ROBO1: variants seen among roughly 807,000 people sequenced by gnomAD.
The protein encoded by ROBO1 is roundabout homolog 1.
In ROBO1, 149 loss-of-function variants were observed where a neutral mutation model predicts 195.9. The ratio of observed to expected loss-of-function variants is 0.76; its 90% CI spans 0.67 to 0.87. ROBO1 has a LOEUF of 0.87. Ranked by LOEUF, ROBO1 falls within the 40% of genes least tolerant of loss-of-function variation. The probability of loss-of-function intolerance (pLI) is 0.00; values close to 1 mark genes in which losing one functional copy is unlikely to be tolerated. For synonymous variants in ROBO1, 816 were observed against 733.2 expected (o/e 1.11, Z -1.82); for missense variants, 1,933 against 2,068.3 (o/e 0.93, Z 1.27).
chr3:78,678,880 A>C (rs905494203), intron 10 of ROBO1, among the ~76,000 whole-genome samples: 5 of 152,068 alleles, frequency 3.3e-5, no homozygotes, highest in African/African-American at 1.2e-4. Flanking sequence ...CAAAAAAGAG[A>C]ATTTTAGACC....
At chr3:79,113,092 G>A (rs2108538614) in intron 3 of ROBO1, among the ~76,000 whole-genome samples, 1 of 152,188 alleles carries the variant, frequency 6.6e-6, no homozygotes. Context: ...GTTGTGAAAA[G>A]GACCACAAAA....
intron 2 of ROBO1, among the ~76,000 whole-genome samples, chr3:79,520,133 G>C (rs1313537119): frequency 1.3e-5 from 2 of 150,880 alleles, no homozygotes; most frequent in Admixed American, 6.6e-5. Context: ...CTGCACTGCA[G>C]CCTGGGTGAC....
intron 1 of ROBO1, among the ~76,000 whole-genome samples, chr3:79,748,057 C>G (rs898044543): frequency 6.6e-6 from 1 of 151,994 alleles, no homozygotes; most frequent in East Asian, 1.9e-4. Flanking sequence ...AAAAATACTA[C>G]TGCAGATTTT....
intron 1 of ROBO1, among the ~76,000 whole-genome samples, chr3:79,604,377 T>C (rs893010022): frequency 6.6e-6 from 1 of 152,076 alleles, no homozygotes; most frequent in Non-Finnish European, 1.5e-5. Flanking sequence ...GAAATGTTTT[T>C]GAACTTTTAA....
intron 1 of ROBO1, 80 bp downstream of exon 1, chr3:79,767,672 C>G (rs1047016297): frequency 6.6e-6 from 1 of 152,252 alleles, no homozygotes; most frequent in African/African-American, 2.4e-5. Flanking sequence ...CCAACAACCA[C>G]TAGTGTAAAA....
At chr3:79,139,628 A>G (rs2080481948) in intron 2 of ROBO1, among the ~76,000 whole-genome samples, 1 of 152,160 alleles carries the variant, frequency 6.6e-6, no homozygotes, top group Non-Finnish European at 1.5e-5. Context: ...CCTCAATAAT[A>G]TCTGATGTGA....
At chr3:78,784,227 TACTC>T (rs766589482) in intron 4 of ROBO1, among the ~76,000 whole-genome samples, 23 of 152,266 alleles carry the variant, frequency 1.5e-4, no homozygotes, top group East Asian at 7.7e-4. Context: ...ACCTTCTAAA[TACTC>T]AATCACTTAA....
chr3:79,172,252 GT>G (rs2081181009), intron 2 of ROBO1, among the ~76,000 whole-genome samples: 1 of 152,166 alleles, frequency 6.6e-6, no homozygotes, highest in African/African-American at 2.4e-5. Flanking sequence ...GATTCTAAAT[GT>G]GTTTTAGCCA....
chr3:79,456,040 T>C (rs993435518), intron 2 of ROBO1, among the ~76,000 whole-genome samples: 1 of 152,160 alleles, frequency 6.6e-6, no homozygotes, highest in African/African-American at 2.4e-5. Context: ...CTAAAGCTGC[T>C]TTTGGTGTTC....
intron 2 of ROBO1, among the ~76,000 whole-genome samples, chr3:79,540,079 A>C (rs2107638228): frequency 6.6e-6 from 1 of 152,228 alleles, no homozygotes; most frequent in Middle Eastern, 3.4e-3. Context: ...GAAATGCTAC[A>C]TTTCAGGGCA....
chr3:78,717,707 A>C (rs924447575), intron 6 of ROBO1, 56 bp downstream of exon 6: 1 of 1,579,980 alleles, frequency 6.3e-7, no homozygotes, highest in Non-Finnish European at 8.6e-7. Context: ...GTATACAGAC[A>C]CAAAATGATA....
intron 4 of ROBO1, among the ~76,000 whole-genome samples, chr3:78,880,056 G>A (rs2036091457): frequency 6.6e-6 from 1 of 152,010 alleles, no homozygotes; most frequent in African/African-American, 2.4e-5. Flanking sequence ...ACCTATTAAA[G>A]CACCATGGTA....
At chr3:78,686,781 T>C (rs1002933653) in intron 9 of ROBO1, among the ~76,000 whole-genome samples, 2 of 152,156 alleles carry the variant, frequency 1.3e-5, no homozygotes, top group African/African-American at 4.8e-5. Flanking sequence ...ATCATAAAAG[T>C]TCCATAACCT....
At chr3:78,695,428 A>C (rs2107889789) in intron 8 of ROBO1, among the ~76,000 whole-genome samples, 1 of 152,140 alleles carries the variant, frequency 6.6e-6, no homozygotes. Context: ...GATCGAGACC[A>C]TCCTGGCTAA....
intron 2 of ROBO1, among the ~76,000 whole-genome samples, chr3:79,353,903 G>A (rs2035440130): frequency 6.6e-6 from 1 of 152,044 alleles, no homozygotes; most frequent in African/African-American, 2.4e-5. Context: ...AAATTAGCCA[G>A]GCATAGTGGT....
chr3:79,372,954 T>A (rs1006273329), intron 2 of ROBO1, among the ~76,000 whole-genome samples: 1 of 152,082 alleles, frequency 6.6e-6, no homozygotes, highest in Non-Finnish European at 1.5e-5. Flanking sequence ...AGGTTTGTTA[T>A]ATGGGTTTAT....
Position 79,315,033 on chromosome 3 carries a change from C to T in ROBO1, c.89-189494G>A, listed in dbSNP as rs557785206. ...ATGAGGACAGAAACGAAATGGGAAA[C>T]TGTCATATAGGCCCTTATGGTCATT... On this transcript the variant is annotated intron_variant, in intron 2 of 30. Transcript: ENST00000464233. 1.9e-3 allele frequency among the ~76,000 whole-genome samples: 285 copies of T among 152,280 alleles called. 1 individual carries two copies. The highest frequency in any genetic ancestry group is 5.9e-3 in the African/African-American group (246 of 41,556).
At chr3:79,584,663 A>G (rs1943770818) in intron 2 of ROBO1, among the ~76,000 whole-genome samples, 1 of 147,742 alleles carries the variant, frequency 6.8e-6, no homozygotes, top group South Asian at 2.2e-4. Flanking sequence ...ACACACACAT[A>G]CACGTACACA....
chr3:79,308,506 G>C (rs1448580338), intron 2 of ROBO1, among the ~76,000 whole-genome samples: 1 of 152,108 alleles, frequency 6.6e-6, no homozygotes, highest in South Asian at 2.1e-4. Flanking sequence ...TACCTATGAT[G>C]TGCTTAGTAC....
Sources: allele counts gnomAD v4.1 joint callset (sites outside exome capture counted in the v4.1 genomes callset), GRCh38; gene constraint gnomAD v4.1.1; transcripts MANE v1.5; gene names NCBI Gene and HGNC (gene_info 2026-07-23, HGNC 2026-07-21).